The following VPS53 variants were observed in gnomAD, a reference collection of about 807,000 sequenced individuals.
The protein encoded by VPS53 is VPS53 subunit of GARP complex.
Under a neutral mutation model 107.0 loss-of-function variants are expected in VPS53, and 70 were observed. The observed-to-expected ratio is 0.65, with a 90% CI of 0.54 to 0.80. The LOEUF is 0.80. Ranked by LOEUF, VPS53 falls within the 30% of genes least tolerant of loss-of-function variation. VPS53 has a pLI of 0.00. For missense variants in VPS53, 917 were observed against 1,049.4 expected, an observed-to-expected ratio of 0.87 and a Z score of 1.74; for synonymous variants, 409 against 393.3, an observed-to-expected ratio of 1.04 and a Z score of -0.47.
intron 11 of VPS53, among the ~76,000 whole-genome samples, chr17:603,241 T>C (rs1376676119): frequency 1.3e-5 from 2 of 152,032 alleles, no homozygotes; most frequent in Non-Finnish European, 2.9e-5. Flanking sequence ...CTGAACAACA[T>C]GGTGAAAGCC....
chr17:659,527 C>A (rs7208846), intron 5 of VPS53, among the ~76,000 whole-genome samples: 9 of 152,222 alleles, frequency 5.9e-5, no homozygotes, highest in South Asian at 4.1e-4. Context: ...GTGATCCCCC[C>A]TCCTTGGCCT....
intron 18 of VPS53, among the ~76,000 whole-genome samples, chr17:534,091 C>G (rs949597451): frequency 6.6e-6 from 1 of 152,178 alleles, no homozygotes; most frequent in African/African-American, 2.4e-5. Flanking sequence ...CCTCTTGCCT[C>G]GGCCCCACAA....
intron 13 of VPS53, among the ~76,000 whole-genome samples, chr17:573,061 A>C (rs1914314426): frequency 6.6e-6 from 1 of 152,244 alleles, no homozygotes; most frequent in Admixed American, 6.5e-5. Flanking sequence ...AATAATCAAC[A>C]ATGGTAATTA....
At chr17:549,463 G>A (rs1168059104) in intron 17 of VPS53, among the ~76,000 whole-genome samples, 2 of 152,132 alleles carry the variant, frequency 1.3e-5, no homozygotes, top group Admixed American at 6.5e-5. Flanking sequence ...TGCTGGTGTG[G>A]GCACGGGGCA....
In VPS53 at chr17:641,763, A is replaced by G. The variant is rs1970431834; in HGVS notation, c.609-10135T>C. Among the ~76,000 whole-genome samples, 3 of 152,320 alleles carry G rather than the reference A, an allele frequency of 2.0e-5. No individual in the cohort carries two copies. In the South Asian group the frequency reaches 6.2e-4, roughly 32 times the overall value. ...AGCCACTGTGCCCAACTGATTTCCT[A>G]GCCATTCTTGTGAAAGTCCGCCTAC... On this transcript the variant is annotated intron_variant, in intron 7 of 21. Transcript: ENST00000437048.
At chr17:547,524 ATGAC>A (rs1395014537) in intron 17 of VPS53, among the ~76,000 whole-genome samples, 1 of 152,220 alleles carries the variant, frequency 6.6e-6, no homozygotes, top group Non-Finnish European at 1.5e-5. Flanking sequence ...GGAATGTAGA[ATGAC>A]TGCTGAGAGG....
intron 15 of VPS53, among the ~76,000 whole-genome samples, chr17:554,642 A>T (rs552168509): frequency 6.6e-6 from 1 of 152,284 alleles, no homozygotes; most frequent in Non-Finnish European, 1.5e-5. Context: ...ACCTCAGGTG[A>T]TCCACCCACC....
intron 12 of VPS53, among the ~76,000 whole-genome samples, chr17:598,395 G>A (rs1354585838): frequency 6.6e-6 from 1 of 151,888 alleles, no homozygotes. Flanking sequence ...CGTCTGGGAA[G>A]TGAGAAGCGT....
rs537902777 is a variant in VPS53, at chr17:615,648, T to C, written c.1116+7885A>G. Among the ~76,000 whole-genome samples, 3 of 152,320 alleles carry C rather than the reference T, an allele frequency of 2.0e-5. No individual in the cohort carries two copies. The East Asian group carries it at 5.8e-4, about 29-fold the overall frequency. ...GTAACTTTCTATAAAATCTGGCATATATCAAAGGGTATCAAGATATACCTT... is the reference window on the plus strand; with the variant it reads ...GTAACTTTCTATAAAATCTGGCATACATCAAAGGGTATCAAGATATACCTT... On this transcript the variant is annotated intron_variant, in intron 11 of 21. Transcript: ENST00000437048.
At chr17:693,390 A>G (rs2143877930) in intron 4 of VPS53, among the ~76,000 whole-genome samples, 1 of 152,316 alleles carries the variant, frequency 6.6e-6, no homozygotes, top group Middle Eastern at 3.4e-3. Context: ...GGTTTCAGGC[A>G]TCCACTGGGG....
chr17:598,850 A>T (rs1401885102), intron 12 of VPS53, among the ~76,000 whole-genome samples: 1 of 66,512 alleles, frequency 1.5e-5, no homozygotes, highest in African/African-American at 5.3e-5. Flanking sequence ...CCCGGCAGCC[A>T]CCCCGTCCGG....
chr17:633,244 T>C (rs1419076174), intron 7 of VPS53, among the ~76,000 whole-genome samples: 2 of 152,194 alleles, frequency 1.3e-5, no homozygotes, highest in African/African-American at 4.8e-5. Context: ...TCGCATGCTG[T>C]GCATCCCCCA....
chr17:529,054 T>C (rs1029180506), intron 19 of VPS53, among the ~76,000 whole-genome samples: 2 of 152,226 alleles, frequency 1.3e-5, no homozygotes, highest in African/African-American at 2.4e-5. Context: ...CTCTTTGGAA[T>C]TGATTTTTAT....
At chr17:663,245 T>C (rs187032776) in intron 4 of VPS53, among the ~76,000 whole-genome samples, 24 of 152,240 alleles carry the variant, frequency 1.6e-4, no homozygotes, top group Non-Finnish European at 2.6e-4. Flanking sequence ...GCATTTCCAC[T>C]GAAATAAAAA....
intron 13 of VPS53, among the ~76,000 whole-genome samples, chr17:568,731 G>A (rs979801579): frequency 1.3e-5 from 2 of 152,200 alleles, no homozygotes; most frequent in Non-Finnish European, 2.9e-5. Context: ...TACTGAGCAT[G>A]CTAGGACCCA....
intron 13 of VPS53, among the ~76,000 whole-genome samples, chr17:565,306 G>T (rs532146752): frequency 1.3e-5 from 2 of 149,946 alleles, no homozygotes; most frequent in African/African-American, 2.4e-5. Context: ...GGGAGGCTGA[G>T]GTAGGAGAAT....
intron 17 of VPS53, chr17:551,635 T>C (rs1417864032): frequency 3.6e-6 from 1 of 279,202 alleles, no homozygotes; most frequent in Non-Finnish European, 6.8e-6. Context: ...CTTCGTCTCT[T>C]TTTTTTTTGC....
chr17:581,629 C>A (rs1329678669), intron 13 of VPS53, among the ~76,000 whole-genome samples: 1 of 152,024 alleles, frequency 6.6e-6, no homozygotes, highest in Non-Finnish European at 1.5e-5. Flanking sequence ...CAGAGAACCT[C>A]CCTAAGGACG....
chr17:547,789 C>T (rs1413973956), intron 17 of VPS53, among the ~76,000 whole-genome samples: 1 of 152,080 alleles, frequency 6.6e-6, no homozygotes, highest in Admixed American at 6.6e-5. Context: ...AGGTGTGTGC[C>T]ATCATGTCCA....
Sources: allele counts gnomAD v4.1 joint callset (sites outside exome capture counted in the v4.1 genomes callset), GRCh38; gene constraint gnomAD v4.1.1; transcripts MANE v1.5; gene names NCBI Gene and HGNC (gene_info 2026-07-23, HGNC 2026-07-21).